C1QBP: variants seen among roughly 807,000 people sequenced by gnomAD.
The protein encoded by C1QBP is complement C1q binding protein.
In C1QBP, 24 loss-of-function variants were observed where a neutral mutation model predicts 29.4. The observed-to-expected ratio is 0.82, with a 90% CI of 0.59 to 1.15. The LOEUF is 1.15. Ranked by LOEUF, C1QBP falls within the 50% of genes most tolerant of loss-of-function variation. C1QBP has a pLI of 0.00. For missense variants in C1QBP, 337 were observed against 355.8 expected (o/e 0.95, Z 0.43); for synonymous variants, 182 against 149.2 (o/e 1.22, Z -1.60).
At position 5,439,066 on chromosome 17, in the gene C1QBP, G is replaced by C. The variant is rs540566151; in HGVS notation, c.8C>G (p.Pro3Arg). Reference sequence around the variant, plus strand: ...CACACGGGGCACGCAGCGCAGCAGAGGCAGCATCGCGGAAACGACTGCGAA... The same window carrying C: ...CACACGGGGCACGCAGCGCAGCAGACGCAGCATCGCGGAAACGACTGCGAA... ML[P>R]LLRCVPRVLG... The change falls in exon 1 of 6, where the codon CCT becomes CGT. Residue 3 changes from proline (P) to arginine (R), a missense_variant. By Grantham distance (103) the Pro-to-Arg change is moderately radical (BLOSUM62 -2). Coordinates refer to ENST00000225698, the MANE Select transcript of C1QBP (RefSeq NM_001212.4). 24 of 1,540,358 alleles carry C rather than the reference G, an allele frequency of 1.6e-5. No homozygotes were observed. The South Asian group carries it at 2.1e-4, about 14-fold the overall frequency.
chr17:5,438,888 G>A lies in C1QBP; in HGVS notation c.186C>T (p.Arg62=). The stretch of plus-strand genomic sequence containing the variant: ...AGCCACAGCCACAGGCGCAGGGTCC[G>A]CGAGGCCGCAGGAGGCCCGGCCGCC... ...SERRPGLLRP[R]GPCACGCGCG... is the part of the protein sequence containing the mutation. Residue 62 remains arginine (R), a synonymous_variant, in exon 1 of 6, where the codon CGC becomes CGT. Transcript: ENST00000225698. 2.6e-6 allele frequency: 4 copies of A among 1,542,250 alleles called. No homozygotes were observed. The highest frequency in any genetic ancestry group is 3.5e-6 in the Non-Finnish European group (4 of 1,144,058).
At chr17:5,435,550 T>TA (rs1325090826) in intron 2 of C1QBP, among the ~76,000 whole-genome samples, 5 of 151,944 alleles carry the variant, frequency 3.3e-5, no homozygotes, top group Non-Finnish European at 7.4e-5. Context: ...ACTCATCCCT[T>TA]AGAGTACTTG....
chr17:5,438,499 C>A (rs568541352), intron 1 of C1QBP: 1 of 698,326 alleles, frequency 1.4e-6, no homozygotes, highest in East Asian at 2.8e-5. Flanking sequence ...TACCACTTTC[C>A]GCTATAAACC....
chr17:5,438,074 T>C (rs2472613), intron 2 of C1QBP, 49 bp downstream of exon 2: 1 of 1,592,244 alleles, frequency 6.3e-7, no homozygotes. Flanking sequence ...GGATGGGTCC[T>C]GCAAGGTTAA....
chr17:5,433,985 G>T, intron 3 of C1QBP: 2 of 584,366 alleles, frequency 3.4e-6, no homozygotes, highest in Non-Finnish European at 6.1e-6. Flanking sequence ...GTTAAGAAAT[G>T]TGGATACCAG....
chr17:5,434,144 C>G (rs1459284535), intron 3 of C1QBP: 23 of 201,408 alleles, frequency 1.1e-4, no homozygotes, highest in Middle Eastern at 2.1e-3. Flanking sequence ...GGACCAGGGT[C>G]AAAGGCTGGG....
chr17:5,434,600 T>C, intron 3 of C1QBP: 1 of 230,134 alleles, frequency 4.3e-6, no homozygotes, highest in South Asian at 5.8e-5. Context: ...CCCGAGTAGC[T>C]GGGATTACAG....
chr17:5,437,824 T>C (rs1209797944), intron 2 of C1QBP, among the ~76,000 whole-genome samples: 1 of 152,246 alleles, frequency 6.6e-6, no homozygotes, highest in Non-Finnish European at 1.5e-5. Flanking sequence ...TCACCCATAC[T>C]AAACATTAGA....
At chr17:5,438,688 G>A in intron 1 of C1QBP, 154 bp downstream of exon 1, 1 of 1,482,794 alleles carries the variant, frequency 6.7e-7, no homozygotes, top group Non-Finnish European at 9.1e-7. Flanking sequence ...GATAGGGGAG[G>A]TGGGGGAAAT....
chr17:5,433,490 T>C, intron 4 of C1QBP, 75 bp from the exon 5 acceptor site: 1 of 1,590,086 alleles, frequency 6.3e-7, no homozygotes, highest in South Asian at 1.1e-5. Context: ...AGGGGGCCAC[T>C]GACAGCATGA....
At chr17:5,437,263 CAATT>C (rs956774837) in intron 2 of C1QBP, among the ~76,000 whole-genome samples, 49 of 152,282 alleles carry the variant, frequency 3.2e-4, no homozygotes, top group African/African-American at 6.3e-4. Flanking sequence ...TATGCCATCT[CAATT>C]AAATCTCATA....
At chr17:5,436,929 C>T (rs1916289232) in intron 2 of C1QBP, among the ~76,000 whole-genome samples, 1 of 152,148 alleles carries the variant, frequency 6.6e-6, no homozygotes, top group Admixed American at 6.6e-5. Flanking sequence ...ATTGTCAGAA[C>T]CTGGGAGGCA....
intron 2 of C1QBP, among the ~76,000 whole-genome samples, chr17:5,436,750 T>C (rs1045679322): frequency 5.3e-5 from 8 of 152,106 alleles, no homozygotes; most frequent in East Asian, 1.9e-4. Flanking sequence ...GTGGGCAGGG[T>C]GGCTCACACC....
intron 3 of C1QBP, 55 bp from the exon 4 acceptor site, chr17:5,433,822 A>T (rs1916180325): frequency 6.8e-7 from 1 of 1,461,284 alleles, no homozygotes; most frequent in Non-Finnish European, 9.6e-7. Flanking sequence ...GGATGGCTGG[A>T]TCAAGGATCT....
intron 2 of C1QBP, among the ~76,000 whole-genome samples, chr17:5,435,773 T>A (rs113096448): frequency 0.013 from 1,998 of 149,120 alleles, 50 homozygotes; most frequent in African/African-American, 0.047. Context: ...CTCACGCCTG[T>A]AATCCCAGCA....
rs1359200279 is a variant in C1QBP at position 5,438,141 on chromosome 17, C to T, written c.365G>A (p.Arg122Gln). The stretch of plus-strand genomic sequence containing the variant: ...TACTTACTTTTCCCCGGCAACTTTC[C>T]GCACTAATTTCGCTTCTGTCCCATT... Reference protein sequence around the residue: ...ELNGTEAKLVRKVAGEKITVT... With the variant: ...ELNGTEAKLVQKVAGEKITVT... Residue 122 changes from arginine (R) to glutamine (Q), a missense_variant, in exon 2 of 6, where the codon CGG becomes CAG. Coordinates refer to ENST00000225698, the MANE Select transcript of C1QBP (RefSeq NM_001212.4). 8 of 1,612,262 alleles carry T rather than the reference C, an allele frequency of 5.0e-6. No individual in the cohort carries two copies. The Admixed American group carries it at 5.0e-5, about 10-fold the overall frequency.
chr17:5,434,036 T>G, intron 3 of C1QBP: 1 of 488,312 alleles, frequency 2.0e-6, no homozygotes, highest in Non-Finnish European at 3.7e-6. Flanking sequence ...TATCAGTCCC[T>G]TAACATTCCA....
intron 1 of C1QBP, 171 bp downstream of exon 1, chr17:5,438,671 A>G: frequency 7.2e-7 from 1 of 1,386,424 alleles, no homozygotes; most frequent in Non-Finnish European, 9.7e-7. Flanking sequence ...AGAAAACGAA[A>G]CTGCTGGATA....
intron 2 of C1QBP, among the ~76,000 whole-genome samples, chr17:5,436,548 AC>A (rs1022721937): frequency 6.6e-6 from 1 of 151,732 alleles, no homozygotes; most frequent in African/African-American, 2.4e-5. Context: ...ATAAAAAAGC[AC>A]AAGCGACCAA....
Sources: gnomAD v4.1 joint callset for allele counts (sites outside exome capture counted in the v4.1 genomes callset) on GRCh38, gnomAD v4.1.1 for gene constraint, MANE v1.5 for transcripts, NCBI Gene and HGNC (gene_info 2026-07-23, HGNC 2026-07-21) for gene names.